The following SORT1 variants were observed in gnomAD, a reference collection of about 807,000 sequenced individuals.
SORT1 encodes the protein sortilin.
In SORT1, 39 loss-of-function variants were observed where a neutral mutation model predicts 101.7. That is an observed-to-expected ratio of 0.38 (90% CI 0.30 to 0.50). SORT1 has a LOEUF of 0.50. Ranked by LOEUF, SORT1 falls within the 20% of genes least tolerant of loss-of-function variation. The pLI is 0.90. For synonymous variants in SORT1, 396 were observed against 393.7 expected (o/e 1.01, Z -0.07); for missense variants, 878 against 1,040.4 (o/e 0.84, Z 2.15).
At chr1:109,389,704 C>T (rs1652787864) in intron 1 of SORT1, 1 of 152,264 alleles carries the variant, frequency 6.6e-6, no homozygotes, top group African/African-American at 2.4e-5. Context: ...TCTTCTTCAA[C>T]CAGGTCCAGA....
intron 3 of SORT1, among the ~76,000 whole-genome samples, chr1:109,356,808 A>G (rs1024286377): frequency 2.0e-5 from 3 of 152,250 alleles, no homozygotes; most frequent in African/African-American, 7.2e-5. Flanking sequence ...ATTCTGGAAA[A>G]TAAAAGCAAA....
rs578075311 is a variant in SORT1, at chr1:109,348,711, T to C, written c.783-1179A>G. On this transcript the variant is annotated intron_variant, in intron 6 of 19. Transcript: ENST00000256637. ...TCTCACTCTGTTGCCCAGGCTGGTC[T>C]TGAATTCCTGGTCTCAAGCAATCCT... 2.0e-5 allele frequency among the ~76,000 whole-genome samples: 3 copies of C among 152,262 alleles called. No homozygotes were observed. The East Asian group carries it at 5.8e-4, about 29-fold the overall frequency.
chr1:109,328,740 A>T (rs1648250276), intron 11 of SORT1, among the ~76,000 whole-genome samples: 1 of 152,248 alleles, frequency 6.6e-6, no homozygotes, highest in Non-Finnish European at 1.5e-5. Context: ...CTACACAAAT[A>T]AACTTGATAA....
chr1:109,314,571 T>A, intron 18 of SORT1, 101 bp downstream of exon 18: 1 of 1,080,034 alleles, frequency 9.3e-7, no homozygotes, highest in Non-Finnish European at 1.4e-6. Context: ...GGAACAGTAC[T>A]GCAAGTACCT....
At chr1:109,316,381 CTAATTTTTGTAATTT>C (rs1215746651) in intron 17 of SORT1, among the ~76,000 whole-genome samples, 1 of 152,072 alleles carries the variant, frequency 6.6e-6, no homozygotes, top group Non-Finnish European at 1.5e-5. Flanking sequence ...CCACACCCAG[CTAATTTTTGTAATTT>C]TAATTTTTGT....
At chr1:109,387,760 G>T (rs1206048568) in intron 1 of SORT1, among the ~76,000 whole-genome samples, 1 of 152,108 alleles carries the variant, frequency 6.6e-6, no homozygotes, top group Non-Finnish European at 1.5e-5. Context: ...AGACCAGCCT[G>T]GCCAAGATGG....
chr1:109,323,914 A>G (rs1458600438), intron 14 of SORT1, among the ~76,000 whole-genome samples: 1 of 152,218 alleles, frequency 6.6e-6, no homozygotes, highest in Non-Finnish European at 1.5e-5. Context: ...AGCGACCCTC[A>G]GGCATTAAAT....
At position 109,345,850 on chromosome 1, in the gene SORT1, T is replaced by C; in HGVS notation, c.864A>G (p.Arg288=). ...KADLGALELW[R]TSDLGKSFKT... is the part of the protein sequence containing the mutation. ...TGAAGCTTTTTCCCAAGTCTGAAGTTCTCCATAATTCCAGAGCCCCAAGGT... is the reference window on the plus strand; with the variant it reads ...TGAAGCTTTTTCCCAAGTCTGAAGTCCTCCATAATTCCAGAGCCCCAAGGT... The change falls in exon 8 of 20, where the codon AGA becomes AGG. Residue 288 remains arginine, a synonymous_variant. Coordinates refer to ENST00000256637, the MANE Select transcript of SORT1 (RefSeq NM_002959.7). 6.2e-7 allele frequency: 1 copy of C among 1,613,420 alleles called. No individual in the cohort carries two copies. Among genetic ancestry groups the C allele is most frequent in the South Asian group, 1.1e-5 (1 of 91,002 alleles).
Position 109,351,200 on chromosome 1 carries a change from T to C in SORT1, c.709-198A>G, listed in dbSNP as rs528685018. On this transcript the variant is annotated intron_variant, in intron 5 of 19. Coordinates refer to ENST00000256637, the MANE Select transcript of SORT1 (RefSeq NM_002959.7). ...GGTCTTGGAAGTTCAGAATAACAAATGCGTATGAAGTGCCTATTATGTGCC... is the reference window on the plus strand; with the variant it reads ...GGTCTTGGAAGTTCAGAATAACAAACGCGTATGAAGTGCCTATTATGTGCC... Among the ~76,000 whole-genome samples, 7 of 152,260 alleles carry C rather than the reference T, an allele frequency of 4.6e-5. No homozygotes were observed. The South Asian group carries it at 6.2e-4, about 14-fold the overall frequency.
intron 1 of SORT1, chr1:109,393,321 A>G: frequency 1.0e-6 from 1 of 985,152 alleles, no homozygotes; most frequent in African/African-American, 1.7e-5. Context: ...AGGACAGAAA[A>G]TAAGCAAGAG....
At chr1:109,365,634 T>A (rs1011540985) in intron 3 of SORT1, among the ~76,000 whole-genome samples, 1 of 152,230 alleles carries the variant, frequency 6.6e-6, no homozygotes, top group Admixed American at 6.5e-5. Flanking sequence ...CTAAAAATTA[T>A]AAAGAAGCCA....
intron 15 of SORT1, among the ~76,000 whole-genome samples, 176 bp from the exon 16 acceptor site, chr1:109,318,145 C>T (rs554258475): frequency 9.3e-4 from 139 of 149,620 alleles, no homozygotes; most frequent in African/African-American, 3.2e-3. Context: ...AAAACAGACA[C>T]GGAGAGGGCC....
At chr1:109,360,535 T>G (rs1650653852) in intron 3 of SORT1, among the ~76,000 whole-genome samples, 2 of 147,828 alleles carry the variant, frequency 1.4e-5, no homozygotes, top group Middle Eastern at 3.2e-3. Context: ...TGGGTCTCAC[T>G]ATGTTGCCCA....
At chr1:109,317,480 TG>T (rs1570882962) in intron 16 of SORT1, among the ~76,000 whole-genome samples, 1 of 152,228 alleles carries the variant, frequency 6.6e-6, no homozygotes, top group East Asian at 1.9e-4. Context: ...TCCCTGGCTG[TG>T]CCTAAACTGT....
chr1:109,356,120 C>T (rs1650306709), intron 3 of SORT1, among the ~76,000 whole-genome samples: 1 of 152,188 alleles, frequency 6.6e-6, no homozygotes, highest in Non-Finnish European at 1.5e-5. Context: ...GATCCGCCCG[C>T]CTCGGCCTCC....
chr1:109,320,852 G>A (rs1245726691), intron 15 of SORT1, among the ~76,000 whole-genome samples: 1 of 152,172 alleles, frequency 6.6e-6, no homozygotes, highest in Admixed American at 6.5e-5. Flanking sequence ...GAGAACAAAA[G>A]ATGCTGAAGA....
rs547580139 is a variant in SORT1, at chr1:109,377,796, C to T, written c.307-8207G>A. Among the ~76,000 whole-genome samples, 402 of 152,100 alleles carry T rather than the reference C, an allele frequency of 2.6e-3. 2 individuals are homozygous for T. Among genetic ancestry groups the T allele is most frequent in the Non-Finnish European group, 4.5e-3 (305 of 68,012 alleles). On this transcript the variant is annotated intron_variant, in intron 1 of 19. Coordinates refer to ENST00000256637, the MANE Select transcript of SORT1 (RefSeq NM_002959.7). ...AGAGCAAGGCAATGAGAGAAGGCAG[C>T]GGTGCAGGTAGAACACACAGGAAGA...
intron 3 of SORT1, among the ~76,000 whole-genome samples, chr1:109,366,565 C>G (rs1050024593): frequency 5.3e-5 from 8 of 152,284 alleles, no homozygotes; most frequent in Admixed American, 3.9e-4. Context: ...TCAGGTCAAA[C>G]CAACCTCCTT....
At position 109,314,001 on chromosome 1, in the gene SORT1, T is replaced by C. The variant is rs749614139; in HGVS notation, c.*42A>G. On this transcript the variant is annotated 3_prime_UTR_variant, in exon 20 of 20. Coordinates refer to ENST00000256637, the MANE Select transcript of SORT1 (RefSeq NM_002959.7). ...GAGCCACAGGGAGTGTAAGAGGTACTGTGGTTCCACCATCCATGCTGGGTC... is the reference window on the plus strand; with the variant it reads ...GAGCCACAGGGAGTGTAAGAGGTACCGTGGTTCCACCATCCATGCTGGGTC... 1.2e-6 allele frequency: 2 copies of C among 1,602,886 alleles called. No homozygotes were observed. Among genetic ancestry groups the C allele is most frequent in the East Asian group, 4.5e-5 (2 of 44,828 alleles).
Sources: gnomAD v4.1 joint callset for allele counts (sites outside exome capture counted in the v4.1 genomes callset) on GRCh38, gnomAD v4.1.1 for gene constraint, MANE v1.5 for transcripts, NCBI Gene and HGNC (gene_info 2026-07-23, HGNC 2026-07-21) for gene names.